The following CHLSN variants were observed in gnomAD, a reference collection of about 807,000 sequenced individuals.
CHLSN encodes the protein cholesin.
the CHLSN span, among the ~76,000 whole-genome samples, chr7:980,077 T>TA: frequency 6.6e-6 from 1 of 152,196 alleles, no homozygotes; most frequent in African/African-American, 2.4e-5. Flanking sequence ...AGCGCAGTGT[T>TA]ACGTTACGCA....
At chr7:1,114,348 C>T in the CHLSN span, among the ~76,000 whole-genome samples, 9 of 152,254 alleles carry the variant, frequency 5.9e-5, no homozygotes, top group African/African-American at 1.9e-4. Context: ...TGACCTCAGA[C>T]GCAGGTCCTA....
chr7:978,090 C>T, the CHLSN span, among the ~76,000 whole-genome samples: 31 of 152,282 alleles, frequency 2.0e-4, no homozygotes, highest in African/African-American at 6.7e-4. Flanking sequence ...CTGGGAGCCC[C>T]GAGGGACCTG....
chr7:1,002,559 TCCTGCGGGTGAGTGGAGC>T, the CHLSN span, among the ~76,000 whole-genome samples: 4,273 of 44,806 alleles, frequency 0.095, 1,103 homozygotes, highest in Admixed American at 0.12. Flanking sequence ...GTGAGTGGAG[TCCTGCGGGTGAGTGGAGC>T]CCTGCGGGTG....
the CHLSN span, among the ~76,000 whole-genome samples, chr7:1,136,673 CTATATA>C: frequency 4.7e-5 from 7 of 147,444 alleles, no homozygotes; most frequent in South Asian, 1.5e-3. Flanking sequence ...ATATATATAA[CTATATA>C]TATAACCATA....
the CHLSN span, chr7:1,009,929 G>C: frequency 6.6e-7 from 1 of 1,519,802 alleles, no homozygotes; most frequent in Non-Finnish European, 8.8e-7. Flanking sequence ...GGACAGAACC[G>C]CGTGGGGCAG....
chr7:988,172 G>A, the CHLSN span: 2 of 1,321,784 alleles, frequency 1.5e-6, no homozygotes, highest in Non-Finnish European at 2.1e-6. Flanking sequence ...AACACCAGGT[G>A]TGGTGGGTGT....
chr7:991,030 G>A, the CHLSN span, among the ~76,000 whole-genome samples: 5,175 of 148,176 alleles, frequency 0.035, 124 homozygotes, highest in African/African-American at 0.059. Flanking sequence ...CTCAGGCCCC[G>A]CCCTCCCGGC....
chr7:994,402 G>A, the CHLSN span, among the ~76,000 whole-genome samples: 3 of 151,668 alleles, frequency 2.0e-5, no homozygotes, highest in South Asian at 2.1e-4. Flanking sequence ...CTCATGATCC[G>A]CCCACCTTGG....
chr7:1,097,699 G>C, the CHLSN span, among the ~76,000 whole-genome samples: 3 of 152,176 alleles, frequency 2.0e-5, no homozygotes, highest in Non-Finnish European at 4.4e-5. The surrounding 1 kb of genome is among the most constrained non-coding windows in gnomAD (Gnocchi z 4.3). Context: ...ATTAGTGCTC[G>C]GGGAAAGGTC....
At chr7:1,135,935 A>ATAAGTATATATAAATATG in the CHLSN span, among the ~76,000 whole-genome samples, 4 of 124,410 alleles carry the variant, frequency 3.2e-5, no homozygotes. Flanking sequence ...ATATAAATAT[A>ATAAGTATATATAAATATG]TAAGTATATA....
At chr7:1,047,171 A>G in the CHLSN span, among the ~76,000 whole-genome samples, 1 of 152,272 alleles carries the variant, frequency 6.6e-6, no homozygotes, top group Admixed American at 6.5e-5. Context: ...ACCTTCCTCC[A>G]GGGAACTGGC....
chr7:994,411 G>A, the CHLSN span, among the ~76,000 whole-genome samples: 1 of 151,716 alleles, frequency 6.6e-6, no homozygotes, highest in Non-Finnish European at 1.5e-5. Context: ...CGCCCACCTT[G>A]GCCCCCCCCA....
the CHLSN span, among the ~76,000 whole-genome samples, chr7:1,007,940 G>A: frequency 1.3e-5 from 2 of 152,132 alleles, no homozygotes; most frequent in African/African-American, 4.8e-5. Flanking sequence ...CAGCCACGTG[G>A]TGGAGCGGAT....
At chr7:1,001,772 AGT>A in the CHLSN span, among the ~76,000 whole-genome samples, 1 of 41,810 alleles carries the variant, frequency 2.4e-5, no homozygotes, top group African/African-American at 1.0e-4. Context: ...CCTGCGGGTG[AGT>A]GGAGTCCTGT....
the CHLSN span, among the ~76,000 whole-genome samples, chr7:1,036,552 A>G: frequency 6.6e-6 from 1 of 152,046 alleles, no homozygotes; most frequent in African/African-American, 2.4e-5. Flanking sequence ...TAAATGCACT[A>G]TTCAGGGTGC....
chr7:1,049,874 G>A, the CHLSN span, among the ~76,000 whole-genome samples: 1 of 152,230 alleles, frequency 6.6e-6, no homozygotes, highest in East Asian at 1.9e-4. Context: ...GCCCTGGGCA[G>A]GGACAGCTGA....
chr7:1,123,964 C>T, the CHLSN span, among the ~76,000 whole-genome samples: 18 of 152,058 alleles, frequency 1.2e-4, no homozygotes, highest in African/African-American at 3.4e-4. This position sits in a 1 kb window ranked among gnomAD's most constrained non-coding sequence, Gnocchi z 4.4. Context: ...CGCTTCCCAA[C>T]GCTCAGCTGG....
the CHLSN span, chr7:986,508 G>A: frequency 1.6e-6 from 2 of 1,252,818 alleles, no homozygotes; most frequent in Admixed American, 2.1e-5. Context: ...GCCGCCTCCA[G>A]CACATCCACC....
the CHLSN span, chr7:985,225 C>T: frequency 1.9e-6 from 3 of 1,554,164 alleles, no homozygotes; most frequent in Admixed American, 2.0e-5. Context: ...CTTCGCGCTC[C>T]TCTTCGGCCG....
Sources: allele counts gnomAD v4.1 joint callset (sites outside exome capture counted in the v4.1 genomes callset), GRCh38; gene constraint gnomAD v4.1.1; non-coding constraint Gnocchi (gnomAD v3.1); transcripts MANE v1.5; gene names NCBI Gene and HGNC (gene_info 2026-07-23, HGNC 2026-07-21).